ST6GALNAC5: variants seen among roughly 807,000 people sequenced by gnomAD.
ST6GALNAC5 encodes ST6 N-acetylgalactosaminide alpha-2,6-sialyltransferase 5, also known as alpha-N-acetylgalactosaminide alpha-2,6-sialyltransferase 5.
A neutral mutation model predicts 33.6 loss-of-function variants in ST6GALNAC5; 27 were observed. That is an observed-to-expected ratio of 0.80 (90% CI 0.59 to 1.11). ST6GALNAC5 has a LOEUF of 1.11. Ranked by LOEUF, ST6GALNAC5 falls within the 50% of genes least tolerant of loss-of-function variation. ST6GALNAC5 has a pLI of 0.00. For missense variants in ST6GALNAC5, 428 were observed against 454.0 expected (o/e 0.94, Z 0.52); for synonymous variants, 194 against 171.2 (o/e 1.13, Z -1.04).
chr1:76,899,247 G>A (rs1646790205), intron 2 of ST6GALNAC5, among the ~76,000 whole-genome samples: 1 of 151,672 alleles, frequency 6.6e-6, no homozygotes, highest in Non-Finnish European at 1.5e-5. Flanking sequence ...GAAGAAGGAG[G>A]AATGGAAGGT....
intron 2 of ST6GALNAC5, among the ~76,000 whole-genome samples, chr1:76,930,056 TA>T (rs1462207707): frequency 2.6e-5 from 4 of 152,170 alleles, no homozygotes; most frequent in Non-Finnish European, 5.9e-5. Flanking sequence ...TGGCTTGCAT[TA>T]TTTTGCTATT....
At chr1:76,984,582 A>C (rs1649402230) in intron 2 of ST6GALNAC5, among the ~76,000 whole-genome samples, 2 of 152,238 alleles carry the variant, frequency 1.3e-5, no homozygotes, top group African/African-American at 4.8e-5. Context: ...ATTCTATTAG[A>C]GGTACAAAGA....
At chr1:76,885,421 T>C (rs985728358) in intron 2 of ST6GALNAC5, among the ~76,000 whole-genome samples, 2 of 152,250 alleles carry the variant, frequency 1.3e-5, no homozygotes, top group Admixed American at 6.5e-5. Context: ...GGTACATGAA[T>C]GTATTTTCAT....
chr1:76,949,709 C>G (rs1372515713), intron 2 of ST6GALNAC5, among the ~76,000 whole-genome samples: 1 of 152,134 alleles, frequency 6.6e-6, no homozygotes, highest in Non-Finnish European at 1.5e-5. Context: ...GGTTGATCAA[C>G]TCGAGAGGCA....
chr1:76,963,392 G>C (rs539262743), intron 2 of ST6GALNAC5, among the ~76,000 whole-genome samples: 2 of 152,174 alleles, frequency 1.3e-5, no homozygotes, highest in African/African-American at 4.8e-5. Context: ...GCCTGCAAAG[G>C]CACCATGGAA....
chr1:76,931,123 A>G (rs2100309901), intron 2 of ST6GALNAC5, among the ~76,000 whole-genome samples: 1 of 152,144 alleles, frequency 6.6e-6, no homozygotes, highest in South Asian at 2.1e-4. Flanking sequence ...CTGTTGGGGG[A>G]CCTGCATAGC....
In ST6GALNAC5 at chr1:77,063,243, C is replaced by G. The variant is rs746299516; in HGVS notation, c.*37C>G. The G allele has an allele frequency of 1.7e-5, 27 of 1,576,188 alleles. No homozygotes were observed. Among genetic ancestry groups the G allele is most frequent in the South Asian group, 2.2e-5 (2 of 89,820 alleles). On this transcript the variant is annotated 3_prime_UTR_variant, in exon 5 of 5. Transcript: ENST00000477717. ...GCCAGACTGTAATCCCAGGTATTCA[C>G]TGCATCAGACACCGAGACACTGAAC...
intron 2 of ST6GALNAC5, among the ~76,000 whole-genome samples, chr1:76,976,303 T>C (rs905999605): frequency 5.3e-5 from 8 of 152,284 alleles, no homozygotes; most frequent in Middle Eastern, 3.4e-3. Flanking sequence ...TATTGCATTA[T>C]GAAAAGAATT....
intron 3 of ST6GALNAC5, among the ~76,000 whole-genome samples, chr1:77,045,492 A>G (rs1222203358): frequency 6.6e-6 from 1 of 152,382 alleles, no homozygotes; most frequent in Non-Finnish European, 1.5e-5. Flanking sequence ...CACACTTTAG[A>G]AAATGAAATT....
At chr1:77,021,667 G>A (rs746525746) in intron 2 of ST6GALNAC5, among the ~76,000 whole-genome samples, 5 of 152,076 alleles carry the variant, frequency 3.3e-5, no homozygotes, top group Non-Finnish European at 5.9e-5. Context: ...GTCTTTCTTT[G>A]TGGATATTCC....
chr1:76,960,463 G>A (rs1487117977), intron 2 of ST6GALNAC5, among the ~76,000 whole-genome samples: 1 of 152,122 alleles, frequency 6.6e-6, no homozygotes, highest in Non-Finnish European at 1.5e-5. Context: ...TGCTAATGAA[G>A]TTTTGGGCAC....
chr1:77,037,103 A>T (rs1651670391), intron 2 of ST6GALNAC5, among the ~76,000 whole-genome samples: 1 of 152,134 alleles, frequency 6.6e-6, no homozygotes, highest in Non-Finnish European at 1.5e-5. Context: ...TAAGCAAGGG[A>T]GAGTTCTGTA....
chr1:76,948,479 G>A (rs1366737890), intron 2 of ST6GALNAC5, among the ~76,000 whole-genome samples: 2 of 151,930 alleles, frequency 1.3e-5, no homozygotes, highest in Non-Finnish European at 2.9e-5. Flanking sequence ...TGGAATGACA[G>A]CACTAGCTCT....
At chr1:77,045,473 A>T (rs1168053897) in intron 3 of ST6GALNAC5, among the ~76,000 whole-genome samples, 1 of 152,178 alleles carries the variant, frequency 6.6e-6, no homozygotes, top group African/African-American at 2.4e-5. Flanking sequence ...AATAAATATC[A>T]CTGAATTACA....
In ST6GALNAC5 at chr1:76,936,652, C is replaced by T. The variant is rs1177967819; in HGVS notation, c.261+67910C>T. On this transcript the variant is annotated intron_variant, in intron 2 of 4. Coordinates refer to ENST00000477717, the MANE Select transcript of ST6GALNAC5 (RefSeq NM_030965.3). Reference sequence around the variant, plus strand: ...GCGTAGTTCCCTTTGTAGGGTCAACCCTTAATTTACAGAACATTATTATAA... The same window carrying T: ...GCGTAGTTCCCTTTGTAGGGTCAACTCTTAATTTACAGAACATTATTATAA... Among the ~76,000 whole-genome samples, 3 of 152,038 alleles carry T rather than the reference C, an allele frequency of 2.0e-5. 1 individual carries two copies. The East Asian group carries it at 5.8e-4, about 29-fold the overall frequency.
At chr1:76,886,003 G>C (rs1187538468) in intron 2 of ST6GALNAC5, among the ~76,000 whole-genome samples, 1 of 152,216 alleles carries the variant, frequency 6.6e-6, no homozygotes, top group East Asian at 1.9e-4. Flanking sequence ...TTCATGGGCA[G>C]TGGGGCAGTC....
At position 76,902,918 on chromosome 1, in the gene ST6GALNAC5, G is replaced by A. The variant is rs1031693022; in HGVS notation, c.261+34176G>A. Among the ~76,000 whole-genome samples, 4 of 152,098 alleles carry A rather than the reference G, an allele frequency of 2.6e-5. 1 individual carries two copies. The South Asian group carries it at 8.3e-4, about 32-fold the overall frequency. On this transcript the variant is annotated intron_variant, in intron 2 of 4. Transcript: ENST00000477717. The stretch of plus-strand genomic sequence containing the variant: ...TCAAAGATGTAAATCTAAGATGTAT[G>A]TACATATAAATCTATTAAACTCCTA...
At chr1:76,949,793 C>T (rs1304139555) in intron 2 of ST6GALNAC5, among the ~76,000 whole-genome samples, 5 of 152,104 alleles carry the variant, frequency 3.3e-5, no homozygotes, top group South Asian at 2.1e-4. Flanking sequence ...CACTGATTTT[C>T]GTTTTTTTCT....
At chr1:76,882,751 C>A (rs1171573458) in intron 2 of ST6GALNAC5, among the ~76,000 whole-genome samples, 2 of 152,150 alleles carry the variant, frequency 1.3e-5, no homozygotes, top group Non-Finnish European at 1.5e-5. Flanking sequence ...GCATTTCCAA[C>A]TTACAGATCT....
Sources: gnomAD v4.1 joint callset for allele counts (sites outside exome capture counted in the v4.1 genomes callset) on GRCh38, gnomAD v4.1.1 for gene constraint, MANE v1.5 for transcripts, NCBI Gene and HGNC (gene_info 2026-07-23, HGNC 2026-07-21) for gene names.